ESRRG: variants seen among roughly 807,000 people sequenced by gnomAD.
ESRRG encodes estrogen related receptor gamma.
ESRRG carries 13 observed loss-of-function variants against 44.0 expected under a neutral mutation model. The observed-to-expected ratio is 0.30, with a 90% CI of 0.19 to 0.47. The LOEUF (loss-of-function observed/expected upper bound fraction) is 0.47, where lower values mean the gene tolerates loss of function less well. Ranked by LOEUF, ESRRG falls within the 20% of genes least tolerant of loss-of-function variation. The probability of loss-of-function intolerance (pLI) is 1.00; values close to 1 mark genes in which losing one functional copy is unlikely to be tolerated. For missense variants in ESRRG, 395 were observed against 580.6 expected, an observed-to-expected ratio of 0.68 and a Z score of 3.29; for synonymous variants, 215 against 214.6, an observed-to-expected ratio of 1.00 and a Z score of -0.02.
intron 2 of ESRRG, among the ~76,000 whole-genome samples, chr1:216,920,415 TGTGTGC>T (rs150176007): frequency 0.045 from 5,159 of 115,822 alleles, 159 homozygotes; most frequent in African/African-American, 0.091. Context: ...TGTGTGTGTG[TGTGTGC>T]GCATATTTTT....
chr1:216,763,636 T>C (rs2152354211), intron 2 of ESRRG, among the ~76,000 whole-genome samples: 1 of 152,300 alleles, frequency 6.6e-6, no homozygotes, highest in Admixed American at 6.5e-5. Flanking sequence ...TCAATTCTAT[T>C]TTTTGATTTG....
chr1:216,773,047 T>C (rs2093445489), intron 2 of ESRRG, among the ~76,000 whole-genome samples: 1 of 152,100 alleles, frequency 6.6e-6, no homozygotes, highest in African/African-American at 2.4e-5. Context: ...ATGGTCTTAG[T>C]CTGCCCTTGA....
chr1:216,948,131 G>A (rs2066359045), intron 1 of ESRRG, among the ~76,000 whole-genome samples: 1 of 152,014 alleles, frequency 6.6e-6, no homozygotes, highest in African/African-American at 2.4e-5. Flanking sequence ...CAAATATTTG[G>A]GAGTTTGTTT....
intron 2 of ESRRG, among the ~76,000 whole-genome samples, chr1:216,917,139 A>G (rs2061290303): frequency 6.7e-6 from 1 of 148,794 alleles, no homozygotes; most frequent in African/African-American, 2.5e-5. Flanking sequence ...CAGTCTCTCC[A>G]GCAGCATAAA....
intron 1 of ESRRG, among the ~76,000 whole-genome samples, chr1:217,100,592 G>A (rs1210790298): frequency 6.6e-6 from 1 of 152,202 alleles, no homozygotes; most frequent in Non-Finnish European, 1.5e-5. Context: ...AAAGAAAAGA[G>A]GTTTAATTTT....
chr1:216,885,046 A>AAT (rs1460991328), intron 2 of ESRRG, among the ~76,000 whole-genome samples: 1 of 152,186 alleles, frequency 6.6e-6, no homozygotes. Context: ...AGGAAGGATA[A>AAT]ATCAATCACT....
chr1:216,917,250 A>T (rs1391847073), intron 2 of ESRRG, among the ~76,000 whole-genome samples: 2 of 151,388 alleles, frequency 1.3e-5, no homozygotes, highest in Non-Finnish European at 2.9e-5. Context: ...CTGGAACTGG[A>T]ACGAGATCAT....
At chr1:216,824,523 C>T (rs745699084) in intron 2 of ESRRG, among the ~76,000 whole-genome samples, 24 of 150,004 alleles carry the variant, frequency 1.6e-4, no homozygotes, top group Admixed American at 4.0e-4. Flanking sequence ...GTGTGAACTA[C>T]GGAATGATAA....
intron 1 of ESRRG, among the ~76,000 whole-genome samples, chr1:217,070,840 C>T (rs756898147): frequency 7.2e-5 from 11 of 152,148 alleles, no homozygotes; most frequent in Non-Finnish European, 1.0e-4. Context: ...TCACTTGATT[C>T]GAAGGTAAAA....
In ESRRG at chr1:216,964,027, G is replaced by A. The variant is rs11572463; in HGVS notation, c.-105-24354C>T. 3.4e-4 allele frequency among the ~76,000 whole-genome samples: 52 copies of A among 152,278 alleles called. No homozygotes were observed. The South Asian group carries it at 0.011, about 31-fold the overall frequency. ...CTACCTGGAGATTTCTAAGCAGACAGAACAGCAGATGCAAAGGTCCTGTGG... is the reference window on the plus strand; with the variant it reads ...CTACCTGGAGATTTCTAAGCAGACAAAACAGCAGATGCAAAGGTCCTGTGG... On this transcript the variant is annotated intron_variant, in intron 1 of 7. Coordinates refer to the ESRRG transcript ENST00000359162.
chr1:216,795,843 C>A (rs2094457579), intron 2 of ESRRG, among the ~76,000 whole-genome samples: 1 of 151,960 alleles, frequency 6.6e-6, no homozygotes, highest in Admixed American at 6.6e-5. Context: ...ACAGGTGAAC[C>A]CGAACCATGG....
chr1:216,703,741 T>C (rs1443903952), intron 1 of ESRRG, among the ~76,000 whole-genome samples: 2 of 151,388 alleles, frequency 1.3e-5, no homozygotes, highest in East Asian at 1.9e-4. Flanking sequence ...GGGATTTTTG[T>C]TGAATGTGGG....
At chr1:216,913,582 C>T (rs2060764082) in intron 2 of ESRRG, among the ~76,000 whole-genome samples, 1 of 152,216 alleles carries the variant, frequency 6.6e-6, no homozygotes, top group Non-Finnish European at 1.5e-5. Flanking sequence ...GACGTGGGTC[C>T]AAGCGTGAGC....
At chr1:216,568,218 C>T (rs983651891) in intron 3 of ESRRG, 120 bp from the exon 4 acceptor site, 1 of 699,316 alleles carries the variant, frequency 1.4e-6, no homozygotes, top group African/African-American at 1.8e-5. Flanking sequence ...CAGAATGGAC[C>T]AGGGGTACTC....
chr1:216,553,501 G>A (rs1447452565), intron 5 of ESRRG, among the ~76,000 whole-genome samples: 1 of 152,100 alleles, frequency 6.6e-6, no homozygotes, highest in Non-Finnish European at 1.5e-5. Context: ...TTAACAATTT[G>A]TGGTTGCCAG....
intron 2 of ESRRG, among the ~76,000 whole-genome samples, chr1:216,668,321 T>C (rs557554572): frequency 6.6e-5 from 10 of 152,280 alleles, no homozygotes; most frequent in East Asian, 5.8e-4. Context: ...CTGAATACCA[T>C]TGGCATATAC....
chr1:216,771,816 GTTT>G (rs72464828), intron 2 of ESRRG, among the ~76,000 whole-genome samples: 25 of 128,126 alleles, frequency 2.0e-4, no homozygotes, highest in African/African-American at 6.4e-4. Flanking sequence ...AGTTTGTGGT[GTTT>G]TTTTTTTTTT....
chr1:217,055,670 A>G (rs1288838626), intron 1 of ESRRG, among the ~76,000 whole-genome samples: 1 of 152,098 alleles, frequency 6.6e-6, no homozygotes, highest in Non-Finnish European at 1.5e-5. Flanking sequence ...TTCCCTCCTC[A>G]GATATGTCTG....
intron 2 of ESRRG, among the ~76,000 whole-genome samples, chr1:216,871,473 A>T (rs2096258725): frequency 6.6e-6 from 1 of 152,070 alleles, no homozygotes; most frequent in African/African-American, 2.4e-5. Flanking sequence ...TGCTCTAAAA[A>T]TATCAATTAG....
Sources: gnomAD v4.1 joint callset for allele counts (sites outside exome capture counted in the v4.1 genomes callset) on GRCh38, gnomAD v4.1.1 for gene constraint, MANE v1.5 for transcripts, NCBI Gene and HGNC (gene_info 2026-07-23, HGNC 2026-07-21) for gene names.